The following DSCAM variants were observed in gnomAD, a reference collection of about 807,000 sequenced individuals.
The protein encoded by DSCAM is DS cell adhesion molecule.
DSCAM carries 47 observed loss-of-function variants against 217.7 expected under a neutral mutation model. The ratio of observed to expected loss-of-function variants is 0.22; its 90% CI spans 0.17 to 0.28. The LOEUF is 0.28. Ranked by LOEUF, DSCAM falls within the 10% of genes least tolerant of loss-of-function variation. The pLI is 1.00. For synonymous variants in DSCAM, 1,056 were observed against 1,015.3 expected, an observed-to-expected ratio of 1.04 and a Z score of -0.76; for missense variants, 2,080 against 2,618.3, an observed-to-expected ratio of 0.79 and a Z score of 4.49.
chr21:40,801,685 A>AG (rs1412152834), intron 1 of DSCAM, among the ~76,000 whole-genome samples: 1 of 152,196 alleles, frequency 6.6e-6, no homozygotes, highest in Non-Finnish European at 1.5e-5. Flanking sequence ...AAGAGACCCT[A>AG]GGTATGGCTT....
chr21:40,782,122 G>A (rs1569033795), intron 1 of DSCAM, among the ~76,000 whole-genome samples: 1 of 151,422 alleles, frequency 6.6e-6, no homozygotes, highest in South Asian at 2.1e-4. Flanking sequence ...AGTGAGCCGA[G>A]ATCACGCCAC....
At chr21:40,199,955 A>C (rs578113649) in intron 11 of DSCAM, among the ~76,000 whole-genome samples, 2 of 151,690 alleles carry the variant, frequency 1.3e-5, no homozygotes, top group Non-Finnish European at 2.9e-5. Context: ...AAAACAAAAA[A>C]CAAAAAACAC....
At chr21:40,471,003 C>A (rs1169578729) in intron 3 of DSCAM, among the ~76,000 whole-genome samples, 2 of 152,188 alleles carry the variant, frequency 1.3e-5, no homozygotes, top group African/African-American at 4.8e-5. Context: ...GTTTTCCTCC[C>A]TAGACCCTAG....
At chr21:40,082,385 G>A (rs568147244) in intron 24 of DSCAM, among the ~76,000 whole-genome samples, 3 of 152,306 alleles carry the variant, frequency 2.0e-5, no homozygotes, top group Non-Finnish European at 2.9e-5. Flanking sequence ...ACTTGAACCC[G>A]GGAGGCAGAG....
intron 11 of DSCAM, 51 bp downstream of exon 11, chr21:40,276,046 A>C (rs2073682154): frequency 4.1e-6 from 6 of 1,468,316 alleles, no homozygotes; most frequent in Non-Finnish European, 5.4e-6. Flanking sequence ...GGAAGCCCCC[A>C]GAGACCTATG....
chr21:40,455,956 A>C (rs932619500), intron 3 of DSCAM, among the ~76,000 whole-genome samples: 1 of 152,164 alleles, frequency 6.6e-6, no homozygotes, highest in Non-Finnish European at 1.5e-5. Flanking sequence ...CAGCACATAA[A>C]TGAGCTAAAA....
chr21:40,177,611 A>G (rs917272919), intron 15 of DSCAM, among the ~76,000 whole-genome samples: 2 of 152,232 alleles, frequency 1.3e-5, no homozygotes, highest in Non-Finnish European at 2.9e-5. Flanking sequence ...GATTTAATCT[A>G]AGAAAATGAT....
Position 40,338,308 on chromosome 21 carries a change from G to A in DSCAM, c.1576C>T (p.Arg526Cys). The A allele has an allele frequency of 2.5e-6, 4 of 1,614,172 alleles. No individual in the cohort carries two copies. Among genetic ancestry groups the A allele is most frequent in the Non-Finnish European group, 3.4e-6 (4 of 1,180,008 alleles). ...IAGRDTYIHC[R>C]VIGYPYYSIK... Reference sequence around the variant, plus strand: ...GAGTAATACGGATAGCCAATCACACGACAGTGAATGTATGTGTCCCGTCCT... The same window carrying A: ...GAGTAATACGGATAGCCAATCACACAACAGTGAATGTATGTGTCCCGTCCT... Residue 526 changes from arginine to cysteine, a missense_variant, in exon 8 of 33, where the codon CGT becomes TGT. Physicochemically the swap from Arg to Cys is radical, Grantham distance 180. Coordinates refer to ENST00000400454, the MANE Select transcript of DSCAM (RefSeq NM_001389.5).
intron 3 of DSCAM, among the ~76,000 whole-genome samples, chr21:40,511,931 C>CA (rs1375385909): frequency 7.3e-6 from 1 of 136,200 alleles, no homozygotes; most frequent in East Asian, 2.1e-4. Context: ...CTGGAGCTTG[C>CA]AGTGAGCCGA....
chr21:40,541,378 A>G (rs551145857), intron 3 of DSCAM, among the ~76,000 whole-genome samples: 1 of 152,354 alleles, frequency 6.6e-6, no homozygotes, highest in South Asian at 2.1e-4. Context: ...GCTAGTAAGC[A>G]TCAGATAATA....
intron 32 of DSCAM, among the ~76,000 whole-genome samples, chr21:40,041,105 T>C (rs756122053): frequency 6.6e-6 from 1 of 152,220 alleles, no homozygotes; most frequent in Non-Finnish European, 1.5e-5. Context: ...TATATATTTT[T>C]ATGCATTTAT....
Position 40,787,887 on chromosome 21 carries a change from G to A in DSCAM, c.43+58732C>T, listed in dbSNP as rs554764975. Among the ~76,000 whole-genome samples the A allele has an allele frequency of 2.6e-5, 4 of 152,238 alleles. No homozygotes were observed. In the South Asian group the frequency reaches 6.2e-4, roughly 24 times the overall value. ...CCCCAATTGTATACTGAGGAAATGAGTTCAAATAATCATTAATAGCAAACC... is the reference window on the plus strand; with the variant it reads ...CCCCAATTGTATACTGAGGAAATGAATTCAAATAATCATTAATAGCAAACC... On this transcript the variant is annotated intron_variant, in intron 1 of 32. Transcript: ENST00000400454.
intron 3 of DSCAM, among the ~76,000 whole-genome samples, chr21:40,458,132 A>G (rs2075778216): frequency 6.6e-6 from 1 of 152,232 alleles, no homozygotes; most frequent in African/African-American, 2.4e-5. Context: ...CGAAAGAAAA[A>G]TAATGAAGAT....
At chr21:40,170,045 T>C (rs957217589) in intron 15 of DSCAM, among the ~76,000 whole-genome samples, 4 of 152,130 alleles carry the variant, frequency 2.6e-5, no homozygotes, top group Admixed American at 6.5e-5. Flanking sequence ...CCCTAGTAAT[T>C]TTCTGCTCCC....
chr21:40,776,111 T>G (rs2091486037), intron 1 of DSCAM, among the ~76,000 whole-genome samples: 1 of 152,190 alleles, frequency 6.6e-6, no homozygotes, highest in South Asian at 2.1e-4. Flanking sequence ...TTATTATTGC[T>G]TATTTTATTG....
chr21:40,361,491 T>A (rs1171396546), intron 4 of DSCAM, among the ~76,000 whole-genome samples: 2 of 152,050 alleles, frequency 1.3e-5, no homozygotes, highest in Non-Finnish European at 2.9e-5. Context: ...TGGTGGTGCA[T>A]GCCTGTAGTC....
chr21:40,499,227 C>T (rs935819626), intron 3 of DSCAM, among the ~76,000 whole-genome samples: 3 of 152,042 alleles, frequency 2.0e-5, no homozygotes, highest in African/African-American at 7.2e-5. Flanking sequence ...TGGTCATATA[C>T]CACAATAGAG....
intron 6 of DSCAM, among the ~76,000 whole-genome samples, chr21:40,345,821 G>C (rs368670430): frequency 6.6e-6 from 1 of 151,826 alleles, no homozygotes; most frequent in African/African-American, 2.4e-5. Flanking sequence ...TCTCTCAGAA[G>C]AGAGAAAAAA....
chr21:40,324,567 A>T (rs1373142392), intron 8 of DSCAM, among the ~76,000 whole-genome samples: 3 of 152,226 alleles, frequency 2.0e-5, no homozygotes, highest in Non-Finnish European at 4.4e-5. Flanking sequence ...AGTGTATTGT[A>T]AAGCCATAAT....
Sources: allele counts gnomAD v4.1 joint callset (sites outside exome capture counted in the v4.1 genomes callset), GRCh38; gene constraint gnomAD v4.1.1; transcripts MANE v1.5; gene names NCBI Gene and HGNC (gene_info 2026-07-23, HGNC 2026-07-21).